Variants in PACS2 observed in about 807,000 individuals in gnomAD.
PACS2 encodes phosphofurin acidic cluster sorting protein 2.
Under a neutral mutation model 113.0 loss-of-function variants are expected in PACS2, and 36 were observed. The ratio of observed to expected loss-of-function variants is 0.32; its 90% confidence interval spans 0.24 to 0.42. The LOEUF (loss-of-function observed/expected upper bound fraction) is 0.42, where lower values mean the gene tolerates loss of function less well. PACS2 is among the 10% of genes least tolerant of loss of function. PACS2 has a pLI of 1.00. For synonymous variants in PACS2, 589 were observed against 536.1 expected, an observed-to-expected ratio of 1.10 and a Z score of -1.36; for missense variants, 1,015 against 1,239.5, an observed-to-expected ratio of 0.82 and a Z score of 2.72.
At chr14:105,313,771 G>C (rs901447023), upstream of PACS2, among the ~76,000 whole-genome samples, 10 of 152,266 alleles carry the variant, frequency 6.6e-5, no homozygotes, top group African/African-American at 2.2e-4. Context: ...GGAAACAGAA[G>C]AGAGGCCAGA....
At chr14:105,393,479 A>C (rs1212922293) in intron 24 of PACS2, 144 bp downstream of exon 24, 7 of 530,832 alleles carry the variant, frequency 1.3e-5, no homozygotes, top group Middle Eastern at 4.2e-4. Flanking sequence ...CATTCGATGA[A>C]GCCCTCAGTG....
chr14:105,347,523 G>A (rs920983155), intron 1 of PACS2, among the ~76,000 whole-genome samples: 16 of 152,310 alleles, frequency 1.1e-4, no homozygotes, highest in African/African-American at 3.4e-4. Flanking sequence ...CCAGGAGGTG[G>A]GTGCCACAAG....
At chr14:105,353,755 G>A (rs1249775418) in intron 3 of PACS2, among the ~76,000 whole-genome samples, 2 of 151,218 alleles carry the variant, frequency 1.3e-5, no homozygotes, top group Non-Finnish European at 1.5e-5. Flanking sequence ...CACCACGCCC[G>A]GCTATTTTTC....
intron 1 of PACS2, among the ~76,000 whole-genome samples, chr14:105,305,504 A>C (rs1432361325): frequency 6.6e-6 from 1 of 152,220 alleles, no homozygotes; most frequent in Non-Finnish European, 1.5e-5. Context: ...TCTATGAACC[A>C]GGAAGTGGCC....
At position 105,318,283 on chromosome 14, in the gene PACS2, A is replaced by G. The variant is rs1291176967; in HGVS notation, c.119+3246A>G. Among the ~76,000 whole-genome samples, 4 of 151,956 alleles carry G rather than the reference A, an allele frequency of 2.6e-5. No homozygotes were observed. In the East Asian group the frequency reaches 7.7e-4, roughly 29 times the overall value. On this transcript the variant is annotated intron_variant, in intron 1 of 24. Coordinates refer to ENST00000447393, the MANE Select transcript of PACS2 (RefSeq NM_001100913.3). Reference sequence around the variant, plus strand: ...CAGGTATGAGCCCCTGGGCCTGGCCATCTGTTTGGTTTTTAGAGACAGAGC... The same window carrying G: ...CAGGTATGAGCCCCTGGGCCTGGCCGTCTGTTTGGTTTTTAGAGACAGAGC...
At position 105,382,787 on chromosome 14, in the gene PACS2, G is replaced by C; in HGVS notation, c.1519-20G>C. On this transcript the variant is annotated intron_variant, in intron 14 of 24. Coordinates refer to ENST00000447393, the MANE Select transcript of PACS2 (RefSeq NM_001100913.3). ...CCTGGGCGGCTGTGCCGAAGTCAGC[G>C]TCTGCCTGTCTTCTGCCAGTTCCTC... 6.7e-7 allele frequency: 1 copy of C among 1,497,054 alleles called. No individual in the cohort carries two copies. The highest frequency in any genetic ancestry group is 9.2e-7 in the Non-Finnish European group (1 of 1,086,900). 92.7% of individuals were successfully genotyped at this position (1,497,054 alleles called of 1,614,324 possible).
chr14:105,381,207 C>G, intron 12 of PACS2, 108 bp downstream of exon 12: 1 of 931,094 alleles, frequency 1.1e-6, no homozygotes, highest in South Asian at 1.8e-5. Flanking sequence ...TGATGAGCTC[C>G]CTCGGGTGTA....
rs1595677337 is a variant in PACS2 at position 105,355,082 on chromosome 14, A to G, written c.328A>G (p.Lys110Glu). 1.2e-6 allele frequency: 2 copies of G among 1,613,564 alleles called. No individual in the cohort carries two copies. Among genetic ancestry groups the G allele is most frequent in the Non-Finnish European group, 8.5e-7 (1 of 1,179,946 alleles). The change falls in exon 4 of 25, where the codon AAG (lysine) becomes GAG (glutamate). Residue 110 changes from lysine (K) to glutamate (E), a missense_variant. This residue lies in a region of PACS2 where 140 missense variants were observed against 135.1 expected (regional missense o/e 1.04). Transcript: ENST00000447393. This position sits in a 1 kb window ranked among gnomAD's most constrained non-coding sequence, Gnocchi z 4.1. ...YPHFLKREGNKLQIMLQRRKR... is the reference protein window; with the variant it reads ...YPHFLKREGNELQIMLQRRKR... ...TCACTTCTTGAAGAGGGAAGGCAAC[A>G]AGCTTCAGATCATGCTGCAGCGCAG...
Position 105,315,106 on chromosome 14 carries a change from C to G in PACS2, c.119+69C>G. 1 of 967,126 alleles carries G rather than the reference C, an allele frequency of 1.0e-6. No individual in the cohort carries two copies. Among genetic ancestry groups the G allele is most frequent in the Non-Finnish European group, 1.3e-6 (1 of 798,666 alleles). The allele number at this position is 967,126 out of a possible 1,614,324, so 59.9% of individuals were successfully genotyped here. A position where few individuals can be genotyped will look rare whatever the true frequency, so the allele number is the denominator to read the frequency against. On this transcript the variant is annotated intron_variant, in intron 1 of 24. Transcript: ENST00000447393. The surrounding 1 kb of genome is among the most constrained non-coding windows in gnomAD (Gnocchi z 4.4). ...GGGGGTGTCCTGGCCGCGGCCTCTGCGCGCCCCATCCCCGGCCCGGGTCCC... is the reference window on the plus strand; with the variant it reads ...GGGGGTGTCCTGGCCGCGGCCTCTGGGCGCCCCATCCCCGGCCCGGGTCCC...
chr14:105,316,503 C>T (rs2058642237), intron 1 of PACS2, among the ~76,000 whole-genome samples: 1 of 152,258 alleles, frequency 6.6e-6, no homozygotes, highest in South Asian at 2.1e-4. Context: ...CTCCCCTGCT[C>T]CAGCACTGCA....
intron 1 of PACS2, among the ~76,000 whole-genome samples, chr14:105,321,743 A>G (rs587595980): frequency 9.6e-4 from 146 of 151,640 alleles, no homozygotes; most frequent in African/African-American, 3.4e-3. Context: ...AACTTTTCTC[A>G]TTGTATGACT....
intron 1 of PACS2, among the ~76,000 whole-genome samples, chr14:105,304,639 GT>G (rs140032281): frequency 0.024 from 3,644 of 152,360 alleles, 74 homozygotes; most frequent in South Asian, 0.05. Context: ...GTATCAGTCT[GT>G]TTTCACACTG....
intron 1 of PACS2, among the ~76,000 whole-genome samples, chr14:105,338,402 G>C (rs1334128716): frequency 1.3e-5 from 2 of 152,176 alleles, no homozygotes; most frequent in Non-Finnish European, 2.9e-5. Context: ...CCCTGCCGAG[G>C]GGGGCGGTGG....
At chr14:105,362,712 G>C (rs781988989) in intron 4 of PACS2, among the ~76,000 whole-genome samples, 4 of 152,004 alleles carry the variant, frequency 2.6e-5, no homozygotes, top group Non-Finnish European at 4.4e-5. Context: ...TTAGCCAGGC[G>C]TGGTGGCGGG....
chr14:105,305,873 C>T (rs2058172407), intron 1 of PACS2, among the ~76,000 whole-genome samples: 1 of 152,258 alleles, frequency 6.6e-6, no homozygotes, highest in African/African-American at 2.4e-5. Context: ...CTGTACTCCT[C>T]ATTCAGCCCT....
chr14:105,338,988 TA>T (rs2059626346), intron 1 of PACS2, among the ~76,000 whole-genome samples: 1 of 152,180 alleles, frequency 6.6e-6, no homozygotes, highest in Non-Finnish European at 1.5e-5. Flanking sequence ...TGACTGCAGG[TA>T]TCCAGGCATC....
intron 8 of PACS2, chr14:105,370,774 G>C (rs145831467): frequency 6.6e-6 from 1 of 152,050 alleles, no homozygotes; most frequent in African/African-American, 2.4e-5. Flanking sequence ...TGGCCAGGCT[G>C]GTCTTGAACT....
intron 4 of PACS2, among the ~76,000 whole-genome samples, chr14:105,362,253 C>G (rs1409826847): frequency 6.7e-6 from 1 of 148,644 alleles, no homozygotes; most frequent in African/African-American, 2.5e-5. Context: ...ACCGTCTCTA[C>G]TGAAAATATA....
At chr14:105,369,729 C>T in intron 7 of PACS2, 112 bp from the exon 8 acceptor site, 2 of 871,866 alleles carry the variant, frequency 2.3e-6, no homozygotes, top group East Asian at 2.7e-5. Context: ...GTGCTGAGGC[C>T]TTGCTGCTCT....
Sources: allele counts gnomAD v4.1 joint callset (sites outside exome capture counted in the v4.1 genomes callset), GRCh38; gene constraint gnomAD v4.1.1; regional missense constraint gnomAD v4.1.1; non-coding constraint Gnocchi (gnomAD v3.1); transcripts MANE v1.5; gene names NCBI Gene and HGNC (gene_info 2026-07-23, HGNC 2026-07-21).